The following FBXL5 variants were observed in gnomAD, a reference collection of about 807,000 sequenced individuals.
The protein encoded by FBXL5 is F-box and leucine rich repeat protein 5.
In FBXL5, 26 loss-of-function variants were observed where a neutral mutation model predicts 78.3. That is an observed-to-expected ratio of 0.33 (90% CI 0.24 to 0.46). The LOEUF (loss-of-function observed/expected upper bound fraction) is 0.46. FBXL5 is among the 20% of genes least tolerant of loss of function. The pLI, the probability that FBXL5 is intolerant of heterozygous loss-of-function variation, is 1.00. For synonymous variants in FBXL5, 295 were observed against 282.5 expected (o/e 1.04, Z -0.45); for missense variants, 710 against 829.2 (o/e 0.86, Z 1.77).
At chr4:15,638,361 TA>T (rs1308822943) in intron 4 of FBXL5, 146 bp downstream of exon 4, 10 of 489,914 alleles carry the variant, frequency 2.0e-5, no homozygotes, top group Non-Finnish European at 3.5e-5. Context: ...CGTCTTCAAT[TA>T]AATTGATACA....
intron 1 of FBXL5, among the ~76,000 whole-genome samples, chr4:15,650,239 G>C (rs1715829262): frequency 6.6e-6 from 1 of 152,186 alleles, no homozygotes. Context: ...TGTCAATAAT[G>C]CTTTGGTTAA....
intron 10 of FBXL5, among the ~76,000 whole-genome samples, chr4:15,609,382 A>G (rs1722091481): frequency 6.6e-6 from 1 of 152,116 alleles, no homozygotes; most frequent in Non-Finnish European, 1.5e-5. Context: ...TTATTTCTCC[A>G]GACTTTTATT....
intron 5 of FBXL5, among the ~76,000 whole-genome samples, chr4:15,635,237 G>A (rs1714129927): frequency 6.6e-6 from 1 of 151,658 alleles, no homozygotes; most frequent in Non-Finnish European, 1.5e-5. Context: ...GGAGGCTGAG[G>A]CAGGAGAATC....
chr4:15,608,301 C>G (rs1300353712), intron 10 of FBXL5, among the ~76,000 whole-genome samples: 2 of 151,950 alleles, frequency 1.3e-5, no homozygotes, highest in African/African-American at 4.8e-5. Context: ...AGCTATTCTC[C>G]TAGAGATTCA....
At position 15,644,695 on chromosome 4, in the gene FBXL5, T is replaced by C. The variant is rs1234856362; in HGVS notation, c.98A>G (p.Asn33Ser). ...GLYCDKLSKT[N>S]FSNNNDFRAL... ...ACGGAAATCGTTGTTGTTGGAAAAA[T>C]TGGTTTTAGAAAGCTGAATAAAAAT... is the stretch of plus-strand genomic sequence containing the variant. Residue 33 changes from asparagine to serine, a missense_variant, in exon 2 of 11, where the codon AAT becomes AGT. Transcript: ENST00000341285. 5 of 1,608,156 alleles carry C rather than the reference T, an allele frequency of 3.1e-6. No homozygotes were observed. Among genetic ancestry groups the C allele is most frequent in the Non-Finnish European group, 4.2e-6 (5 of 1,176,736 alleles).
chr4:15,650,820 A>G (rs966007586), intron 1 of FBXL5, among the ~76,000 whole-genome samples: 15 of 151,896 alleles, frequency 9.9e-5, no homozygotes, highest in Non-Finnish European at 1.9e-4. Context: ...TTTAGTAGAG[A>G]TGAGGTTTCA....
chr4:15,660,635 G>A (rs1223141955), upstream of FBXL5, among the ~76,000 whole-genome samples: 1 of 152,106 alleles, frequency 6.6e-6, no homozygotes, highest in Non-Finnish European at 1.5e-5. Flanking sequence ...TCATTTCCTC[G>A]ACTGTAAAGA....
rs1714270237 is a variant in FBXL5, at chr4:15,636,409, T to C, written c.766+85A>G. The stretch of plus-strand genomic sequence containing the variant: ...TACTTTTTGATTGACCTCTCAGAGT[T>C]TCTCTCTCTGGCCTTGCTCATTAAT... On this transcript the variant is annotated intron_variant, in intron 5 of 10. Coordinates refer to ENST00000341285, the MANE Select transcript of FBXL5 (RefSeq NM_012161.4). 7 of 1,081,654 alleles carry C rather than the reference T, an allele frequency of 6.5e-6. No individual in the cohort carries two copies. The South Asian group carries it at 1.7e-4, about 27-fold the overall frequency. The allele number at this position is 1,081,654 out of a possible 1,614,324, so 67.0% of individuals were successfully genotyped here. A position where few individuals can be genotyped will look rare whatever the true frequency, so the allele number is the denominator to read the frequency against.
chr4:15,616,519 C>G (rs1711899911), intron 9 of FBXL5, among the ~76,000 whole-genome samples: 1 of 152,252 alleles, frequency 6.6e-6, no homozygotes. Context: ...GCCATGGCTT[C>G]TGTGCTCGTA....
chr4:15,615,324 A>G (rs993900748), intron 9 of FBXL5, among the ~76,000 whole-genome samples: 1 of 152,144 alleles, frequency 6.6e-6, no homozygotes, highest in African/African-American at 2.4e-5. Context: ...ACTGGCAGGC[A>G]GCTCCACATG....
intron 10 of FBXL5, among the ~76,000 whole-genome samples, chr4:15,610,966 C>T (rs1184846922): frequency 6.6e-6 from 1 of 152,110 alleles, no homozygotes; most frequent in East Asian, 1.9e-4. Context: ...CTCAAATCCA[C>T]AGCATCCACA....
At position 15,630,713 on chromosome 4, in the gene FBXL5, C is replaced by T; in HGVS notation, c.845G>A (p.Ser282Asn). Reference sequence around the variant, plus strand: ...TTCATCCCACTCATGAAAAGCACGACTTTCATCTTTCCTATTTTTCACCCA... The same window carrying T: ...TTCATCCCACTCATGAAAAGCACGATTTTCATCTTTCCTATTTTTCACCCA... ...DEWVKNRKDE[S>N]RAFHEWDEDA... is the part of the protein sequence containing the mutation. Residue 282 changes from serine to asparagine, a missense_variant, in exon 6 of 11, where the codon AGT becomes AAT. Coordinates refer to ENST00000341285, the MANE Select transcript of FBXL5 (RefSeq NM_012161.4). 1 of 1,606,470 alleles carries T rather than the reference C, an allele frequency of 6.2e-7. No individual in the cohort carries two copies. The highest frequency in any genetic ancestry group is 8.5e-7 in the Non-Finnish European group (1 of 1,178,156).
chr4:15,679,185 C>T (rs1185330413), intron 1 of FBXL5, among the ~76,000 whole-genome samples: 1 of 151,670 alleles, frequency 6.6e-6, no homozygotes, highest in Non-Finnish European at 1.5e-5. Flanking sequence ...GCCTCAGCCT[C>T]CTGAGTAGCT....
chr4:15,680,960 CATAT>C (rs887106373), intron 1 of FBXL5, among the ~76,000 whole-genome samples: 78 of 147,600 alleles, frequency 5.3e-4, no homozygotes, highest in African/African-American at 1.9e-3. Context: ...TTTTGTTTCA[CATAT>C]ATATATAAAT....
intron 5 of FBXL5, among the ~76,000 whole-genome samples, chr4:15,633,874 T>C (rs1268791155): frequency 6.6e-6 from 1 of 152,190 alleles, no homozygotes; most frequent in Admixed American, 6.5e-5. Flanking sequence ...TGCTAGGAGA[T>C]TACAGGCGTG....
At chr4:15,646,474 A>G (rs1222973409) in intron 1 of FBXL5, among the ~76,000 whole-genome samples, 1 of 151,676 alleles carries the variant, frequency 6.6e-6, no homozygotes, top group East Asian at 1.9e-4. Flanking sequence ...AAAAAAAAAA[A>G]GGCAAACTTA....
intron 1 of FBXL5, among the ~76,000 whole-genome samples, chr4:15,646,594 G>A (rs528316798): frequency 7.2e-5 from 11 of 151,796 alleles, no homozygotes; most frequent in South Asian, 2.1e-4. Context: ...TGTGCACAAC[G>A]TGCAGGTTTG....
intron 1 of FBXL5, among the ~76,000 whole-genome samples, chr4:15,649,416 T>C (rs1715689054): frequency 6.6e-6 from 1 of 151,830 alleles, no homozygotes; most frequent in South Asian, 2.1e-4. Flanking sequence ...TAACCTCTAC[T>C]AAAACTACAA....
chr4:15,678,755 AG>A (rs1217582824), intron 1 of FBXL5, among the ~76,000 whole-genome samples: 3 of 152,208 alleles, frequency 2.0e-5, no homozygotes, highest in African/African-American at 7.2e-5. Context: ...TTTAGCCTAC[AG>A]AAAAATATTT....
Sources: gnomAD v4.1 joint callset for allele counts (sites outside exome capture counted in the v4.1 genomes callset) on GRCh38, gnomAD v4.1.1 for gene constraint, MANE v1.5 for transcripts, NCBI Gene and HGNC (gene_info 2026-07-23, HGNC 2026-07-21) for gene names.